Variants in ANK3 observed in about 807,000 individuals in gnomAD.
ANK3 encodes ankyrin-3.
Under a neutral mutation model 370.9 loss-of-function variants are expected in ANK3, and 57 were observed. That is an observed-to-expected ratio of 0.15 (90% confidence interval 0.12 to 0.19). ANK3 has a LOEUF of 0.19. ANK3 is among the 10% of genes least tolerant of loss of function. The pLI is 1.00. For synonymous variants in ANK3, 1,929 were observed against 1,946.3 expected (o/e 0.99, Z 0.23); for missense variants, 4,439 against 5,302.1 (o/e 0.84, Z 5.06).
Position 60,389,786 on chromosome 10 carries a change from G to A in ANK3, c.-248C>T, listed in dbSNP as rs1056205634. The A allele has an allele frequency of 2.3e-5, 30 of 1,311,664 alleles. No individual in the cohort carries two copies. Among genetic ancestry groups the A allele is most frequent in the South Asian group, 1.1e-4 (6 of 53,406 alleles). 81.3% of individuals were successfully genotyped at this position (1,311,664 alleles called of 1,614,324 possible). A position where few individuals can be genotyped will look rare whatever the true frequency, so the allele number is the denominator to read the frequency against. On this transcript the variant is annotated 5_prime_UTR_variant, in exon 1 of 44. In the 5' UTR this introduces an upstream ATG that the reference lacks. Coordinates refer to ENST00000280772, the MANE Select transcript of ANK3 (RefSeq NM_020987.5). ...ACCTTTACAGGAGAGTGCAGCCATC[G>A]TAATGCATTTACCGTAGTGAAGAAG...
chr10:60,426,794 T>C (rs1595007961), intron 2 of ANK3, among the ~76,000 whole-genome samples: 1 of 152,222 alleles, frequency 6.6e-6, no homozygotes, highest in South Asian at 2.1e-4. Context: ...TCACCCAAGT[T>C]CCAAAATTAT....
chr10:60,150,546 G>A (rs2095060633), intron 23 of ANK3, among the ~76,000 whole-genome samples: 1 of 152,154 alleles, frequency 6.6e-6, no homozygotes, highest in Admixed American at 6.5e-5. Flanking sequence ...GAGCCCCAGT[G>A]TTGGAGGTAG....
intron 1 of ANK3, among the ~76,000 whole-genome samples, chr10:60,380,562 T>G (rs193046483): frequency 1.5e-3 from 230 of 152,276 alleles, no homozygotes; most frequent in Non-Finnish European, 1.4e-3. Context: ...GCCATGAAGA[T>G]TCAATACAAT....
At chr10:60,720,102 G>A (rs2079843181) in intron 1 of ANK3, among the ~76,000 whole-genome samples, 1 of 152,152 alleles carries the variant, frequency 6.6e-6, no homozygotes, top group Non-Finnish European at 1.5e-5. Context: ...ATGTCCTTTT[G>A]CAACAGAGAA....
At chr10:60,578,568 A>G (rs2077709864) in intron 2 of ANK3, among the ~76,000 whole-genome samples, 1 of 152,228 alleles carries the variant, frequency 6.6e-6, no homozygotes, top group Admixed American at 6.5e-5. Flanking sequence ...AGCAATGCTC[A>G]TATTAAAATG....
Position 60,082,740 on chromosome 10 carries a change from A to G in ANK3, c.4201-3T>C, listed in dbSNP as rs2393595. ...GGCTCTTGGCTGGTGTCTCTAATCTAGAAGAATTTTGGTAGTTGATGGTTA... is the reference window on the plus strand; with the variant it reads ...GGCTCTTGGCTGGTGTCTCTAATCTGGAAGAATTTTGGTAGTTGATGGTTA... On this transcript the variant is annotated splice_polypyrimidine_tract_variant and splice_region_variant and intron_variant, in intron 33 of 43. Transcript: ENST00000280772. The G allele has an allele frequency of 0.099, 159,137 of 1,609,598 alleles. 8,939 individuals are homozygous for G. The highest frequency in any genetic ancestry group is 0.18 in the African/African-American group (13,659 of 74,498).
chr10:60,363,224 C>G (rs996595484), intron 1 of ANK3, among the ~76,000 whole-genome samples: 3 of 152,130 alleles, frequency 2.0e-5, no homozygotes. Flanking sequence ...TCACTTCTTT[C>G]CATCTTGAAT....
chr10:60,031,622 A>G (rs896843908), intron 43 of ANK3, among the ~76,000 whole-genome samples: 15 of 152,188 alleles, frequency 9.9e-5, no homozygotes, highest in Non-Finnish European at 2.1e-4. Context: ...ACAACAGACT[A>G]TATTTGCAGA....
chr10:60,397,118 A>AC (rs2063257250), intron 2 of ANK3, among the ~76,000 whole-genome samples: 1 of 151,572 alleles, frequency 6.6e-6, no homozygotes, highest in African/African-American at 2.4e-5. Flanking sequence ...ATGGAGCAGC[A>AC]CATATAAGAA....
At chr10:60,278,970 G>A (rs993439819) in intron 3 of ANK3, 80 bp downstream of exon 3, 1 of 1,544,150 alleles carries the variant, frequency 6.5e-7, no homozygotes, top group Non-Finnish European at 9.0e-7. Context: ...TATGAGATAT[G>A]TGCCCCCATT....
intron 1 of ANK3, among the ~76,000 whole-genome samples, chr10:60,332,926 C>A (rs2051742508): frequency 6.6e-6 from 1 of 152,132 alleles, no homozygotes; most frequent in Admixed American, 6.5e-5. Flanking sequence ...TAAACCACAC[C>A]ATTCCAGTAT....
chr10:60,272,183 GCT>G (rs2098002286), intron 4 of ANK3, among the ~76,000 whole-genome samples: 2 of 149,536 alleles, frequency 1.3e-5, no homozygotes, highest in African/African-American at 4.9e-5. Context: ...GTGCTATGAC[GCT>G]ATGAGTGAAA....
intron 2 of ANK3, among the ~76,000 whole-genome samples, chr10:60,423,893 C>G (rs2063827206): frequency 6.6e-6 from 1 of 152,062 alleles, no homozygotes; most frequent in African/African-American, 2.4e-5. Flanking sequence ...TCCTACCATT[C>G]TTTCATAAAA....
At chr10:60,305,136 A>T (rs2044720727) in intron 1 of ANK3, among the ~76,000 whole-genome samples, 1 of 152,208 alleles carries the variant, frequency 6.6e-6, no homozygotes, top group Non-Finnish European at 1.5e-5. Context: ...GCTTCACCCA[A>T]TTCAGATCAA....
chr10:60,279,208 C>T (rs914857201), intron 2 of ANK3, 60 bp from the exon 3 acceptor site: 13 of 1,390,062 alleles, frequency 9.4e-6, no homozygotes, highest in Admixed American at 3.4e-5. Flanking sequence ...AGTAAACAAC[C>T]GACCAAGAAC....
chr10:60,327,031 C>T (rs755545763), intron 1 of ANK3, among the ~76,000 whole-genome samples: 1 of 141,416 alleles, frequency 7.1e-6, no homozygotes, highest in Non-Finnish European at 1.5e-5. Context: ...AAAAAGTAAG[C>T]TCTCTTAAGG....
intron 12 of ANK3, among the ~76,000 whole-genome samples, chr10:60,201,117 C>T (rs1027525783): frequency 6.6e-6 from 1 of 152,226 alleles, no homozygotes; most frequent in Non-Finnish European, 1.5e-5. Flanking sequence ...CATGGAAGGA[C>T]ACGTGAAGAC....
chr10:60,583,458 G>C (rs2077783152), intron 2 of ANK3, among the ~76,000 whole-genome samples: 1 of 151,614 alleles, frequency 6.6e-6, no homozygotes, highest in Admixed American at 6.6e-5. Context: ...AGGATGATTA[G>C]AGCTAAGAAC....
chr10:60,088,383 G>T, intron 28 of ANK3, 25 bp from the exon 29 acceptor site: 2 of 1,594,364 alleles, frequency 1.3e-6, no homozygotes. Flanking sequence ...GAAAGAAAAT[G>T]CCATGAGAAT....
Sources: allele counts gnomAD v4.1 joint callset (sites outside exome capture counted in the v4.1 genomes callset), GRCh38; gene constraint gnomAD v4.1.1; transcripts MANE v1.5; gene names NCBI Gene and HGNC (gene_info 2026-07-23, HGNC 2026-07-21).